The following TFDP2 variants were observed in gnomAD, a reference collection of about 807,000 sequenced individuals.
TFDP2 encodes transcription factor Dp-2.
In TFDP2, 17 loss-of-function variants were observed where a neutral mutation model predicts 59.3. The ratio of observed to expected loss-of-function variants is 0.29; its 90% CI spans 0.20 to 0.43. The LOEUF is 0.43. Ranked by LOEUF, TFDP2 falls within the 20% of genes least tolerant of loss-of-function variation. The probability of loss-of-function intolerance (pLI) is 1.00; values close to 1 mark genes in which losing one functional copy is unlikely to be tolerated. For synonymous variants in TFDP2, 180 were observed against 194.7 expected (o/e 0.92, Z 0.63); for missense variants, 391 against 528.8 (o/e 0.74, Z 2.56).
chr3:141,969,211 AT>A, intron 9 of TFDP2, among the ~76,000 whole-genome samples: 1 of 81,100 alleles, frequency 1.2e-5, no homozygotes, highest in Admixed American at 1.4e-4. Context: ...TATAACATAT[AT>A]ATATATCTCA....
intron 3 of TFDP2, among the ~76,000 whole-genome samples, chr3:142,078,232 C>A (rs1281367324): frequency 6.6e-6 from 1 of 152,174 alleles, no homozygotes; most frequent in African/African-American, 2.4e-5. Context: ...TCTCTCAACC[C>A]GCATGGGGCC....
intron 11 of TFDP2, among the ~76,000 whole-genome samples, chr3:141,954,198 A>G (rs1477158439): frequency 6.6e-6 from 1 of 152,082 alleles, no homozygotes; most frequent in Non-Finnish European, 1.5e-5. Context: ...AATATTTTGG[A>G]TATCTCCTTG....
At chr3:142,141,009 T>C (rs2062933260) in intron 1 of TFDP2, among the ~76,000 whole-genome samples, 1 of 152,238 alleles carries the variant, frequency 6.6e-6, no homozygotes, top group Admixed American at 6.5e-5. Context: ...CTTGCTGAGC[T>C]GAGGTAGGCT....
chr3:142,046,825 T>C (rs1159224681), intron 3 of TFDP2, among the ~76,000 whole-genome samples: 2 of 152,114 alleles, frequency 1.3e-5, no homozygotes, highest in African/African-American at 2.4e-5. Context: ...TTCCCAAATT[T>C]GACCGAAGCA....
At chr3:142,099,675 G>C (rs1387899324) in intron 2 of TFDP2, among the ~76,000 whole-genome samples, 1 of 150,978 alleles carries the variant, frequency 6.6e-6, no homozygotes, top group East Asian at 1.9e-4. Context: ...ATTCCAGCCC[G>C]GGCAACAGAG....
At chr3:142,062,346 CG>C (rs1560101954) in intron 3 of TFDP2, among the ~76,000 whole-genome samples, 2 of 149,786 alleles carry the variant, frequency 1.3e-5, no homozygotes, top group Non-Finnish European at 1.5e-5. Flanking sequence ...CCAACCACTG[CG>C]TTGTTCAAGG....
At chr3:141,987,414 T>C (rs889844186) in intron 6 of TFDP2, among the ~76,000 whole-genome samples, 2 of 151,938 alleles carry the variant, frequency 1.3e-5, no homozygotes, top group African/African-American at 4.8e-5. Flanking sequence ...CCTGAGTAGC[T>C]GGGACTACAG....
intron 3 of TFDP2, chr3:142,043,782 C>T (rs999073609): frequency 3.8e-6 from 6 of 1,597,468 alleles, no homozygotes; most frequent in Admixed American, 3.3e-5. Context: ...CTGCCTTCAG[C>T]TTGTGGATGT....
chr3:142,002,502 A>G (rs1213020982), intron 4 of TFDP2, among the ~76,000 whole-genome samples: 1 of 152,008 alleles, frequency 6.6e-6, no homozygotes, highest in Non-Finnish European at 1.5e-5. Flanking sequence ...CCAGTTTCCA[A>G]TAACATGTCC....
intron 3 of TFDP2, among the ~76,000 whole-genome samples, chr3:142,023,144 GAAAAA>G: frequency 7.5e-6 from 1 of 132,530 alleles, no homozygotes; most frequent in Non-Finnish European, 1.6e-5. Flanking sequence ...AAAAAAAAAA[GAAAAA>G]GAAAAGAAAA....
chr3:142,121,863 AC>A lies in TFDP2; in HGVS notation c.-92-20023del, dbSNP rs796708323. On this transcript the variant is annotated intron_variant, in intron 1 of 12. Coordinates refer to ENST00000489671, the MANE Select transcript of TFDP2 (RefSeq NM_001178139.2). This position sits in a 1 kb window ranked among gnomAD's most constrained non-coding sequence, Gnocchi z 4.3. ...AAAATACGAAGTTAAAAAAAAAAAAACTTCATTGTAGACATTTCTGAGGTTC... is the reference window on the plus strand; with the variant it reads ...AAAATACGAAGTTAAAAAAAAAAAAATTCATTGTAGACATTTCTGAGGTTC... Among the ~76,000 whole-genome samples the A allele has an allele frequency of 3.5e-3, 502 of 143,810 alleles. 2 individuals are homozygous for A. Among genetic ancestry groups the A allele is most frequent in the African/African-American group, 0.012 (464 of 38,626 alleles). The allele number at this position is 143,810 out of a possible 152,430, so 94.3% of individuals were successfully genotyped here.
intron 3 of TFDP2, among the ~76,000 whole-genome samples, chr3:142,046,210 A>G (rs1201135360): frequency 6.6e-6 from 1 of 152,198 alleles, no homozygotes; most frequent in Non-Finnish European, 1.5e-5. Flanking sequence ...CTAATCCTAC[A>G]TACTTTGAAA....
chr3:142,014,234 C>T (rs1944946556), intron 3 of TFDP2, among the ~76,000 whole-genome samples: 2 of 152,186 alleles, frequency 1.3e-5, no homozygotes, highest in Admixed American at 1.3e-4. Context: ...GCCTCAAACT[C>T]CTGGCTCAAG....
intron 3 of TFDP2, among the ~76,000 whole-genome samples, chr3:142,006,445 AC>A (rs1944216542): frequency 1.3e-5 from 2 of 150,548 alleles, no homozygotes; most frequent in South Asian, 4.2e-4. Context: ...CCAAAACTTG[AC>A]CACACTCTTT....
chr3:142,014,592 T>C (rs6794224), intron 3 of TFDP2, among the ~76,000 whole-genome samples: 12,191 of 152,190 alleles, frequency 0.08, 668 homozygotes, highest in African/African-American at 0.16. Flanking sequence ...TCATATTAAT[T>C]AGTAAGATGC....
intron 6 of TFDP2, among the ~76,000 whole-genome samples, chr3:141,987,331 G>A (rs1942211368): frequency 6.7e-6 from 1 of 149,594 alleles, no homozygotes; most frequent in Admixed American, 6.7e-5. Flanking sequence ...CACCCAGGCT[G>A]CAGTACAGTG....
chr3:142,074,339 G>A (rs1278091015), intron 3 of TFDP2, among the ~76,000 whole-genome samples: 3 of 151,874 alleles, frequency 2.0e-5, no homozygotes, highest in Non-Finnish European at 4.4e-5. Flanking sequence ...AACCCAGGAA[G>A]TGGAGGTTGA....
chr3:142,096,029 G>A (rs1048881585), intron 2 of TFDP2, among the ~76,000 whole-genome samples: 4 of 152,134 alleles, frequency 2.6e-5, no homozygotes, highest in African/African-American at 9.7e-5. Context: ...TTACCGTTAT[G>A]CTTAAACACC....
chr3:141,973,123 A>ATATATATATTTTTTTTT, intron 8 of TFDP2, among the ~76,000 whole-genome samples: 31 of 58,012 alleles, frequency 5.3e-4, no homozygotes, highest in Non-Finnish European at 9.3e-4. Flanking sequence ...ATATATATAT[A>ATATATATATTTTTTTTT]TTTTTTTTTT....
Sources: gnomAD v4.1 joint callset for allele counts (sites outside exome capture counted in the v4.1 genomes callset) on GRCh38, gnomAD v4.1.1 for gene constraint, Gnocchi (gnomAD v3.1) non-coding constraint, MANE v1.5 for transcripts, NCBI Gene and HGNC (gene_info 2026-07-23, HGNC 2026-07-21) for gene names.